Variants in CDH18 observed in about 807,000 individuals in gnomAD.
CDH18 encodes cadherin-18.
A neutral mutation model predicts 67.9 loss-of-function variants in CDH18; 31 were observed. The observed-to-expected ratio is 0.46, with a 90% CI of 0.34 to 0.62. CDH18 has a LOEUF of 0.62. Ranked by LOEUF, CDH18 falls within the 20% of genes least tolerant of loss-of-function variation. The probability of loss-of-function intolerance (pLI) is 0.01; values close to 1 mark genes in which losing one functional copy is unlikely to be tolerated. For synonymous variants in CDH18, 362 were observed against 347.2 expected (o/e 1.04, Z -0.48); for missense variants, 890 against 975.5 (o/e 0.91, Z 1.17).
chr5:19,608,503 C>A (rs1037641425), intron 6 of CDH18, among the ~76,000 whole-genome samples: 1 of 151,040 alleles, frequency 6.6e-6, no homozygotes, highest in Non-Finnish European at 1.5e-5. Flanking sequence ...AAAACAACAG[C>A]TCCCCCCCCA....
At chr5:19,762,704 T>A (rs1772529675) in intron 3 of CDH18, among the ~76,000 whole-genome samples, 1 of 152,124 alleles carries the variant, frequency 6.6e-6, no homozygotes, top group Non-Finnish European at 1.5e-5. Flanking sequence ...TCCTCAAGGA[T>A]GTAGAACTAG....
chr5:20,282,094 C>T (rs1411971977), intron 1 of CDH18, among the ~76,000 whole-genome samples: 1 of 152,114 alleles, frequency 6.6e-6, no homozygotes, highest in Non-Finnish European at 1.5e-5. Flanking sequence ...AGTTGCTTAT[C>T]AGCTTAAGGA....
chr5:20,327,239 G>A (rs1230764137), intron 1 of CDH18, among the ~76,000 whole-genome samples: 1 of 152,128 alleles, frequency 6.6e-6, no homozygotes, highest in Non-Finnish European at 1.5e-5. Context: ...CTTTCTTTTA[G>A]TTCCTAAACA....
At chr5:19,754,008 G>T (rs111248620) in intron 3 of CDH18, among the ~76,000 whole-genome samples, 1 of 151,956 alleles carries the variant, frequency 6.6e-6, no homozygotes, top group Admixed American at 6.6e-5. Context: ...TCCTTGAAAC[G>T]CATCAAAACG....
chr5:19,900,502 A>G (rs1287868842), intron 2 of CDH18, among the ~76,000 whole-genome samples: 1 of 152,196 alleles, frequency 6.6e-6, no homozygotes, highest in African/African-American at 2.4e-5. Context: ...TACATGTATC[A>G]AACGATAATT....
At chr5:19,686,998 G>A (rs530904376) in intron 5 of CDH18, among the ~76,000 whole-genome samples, 1 of 152,262 alleles carries the variant, frequency 6.6e-6, no homozygotes, top group East Asian at 1.9e-4. Context: ...ACTTTAAGTA[G>A]AGTATCTAAG....
intron 5 of CDH18, among the ~76,000 whole-genome samples, chr5:19,620,300 C>G (rs1034457092): frequency 1.3e-5 from 2 of 152,092 alleles, no homozygotes; most frequent in African/African-American, 4.8e-5. Flanking sequence ...GTATATACGT[C>G]GTGTATTTAT....
intron 2 of CDH18, among the ~76,000 whole-genome samples, chr5:20,023,350 A>G (rs1188956268): frequency 6.6e-6 from 1 of 152,020 alleles, no homozygotes. Flanking sequence ...AATTGTTTAT[A>G]TTGTTCATTG....
intron 2 of CDH18, among the ~76,000 whole-genome samples, chr5:19,921,345 C>T (rs1175578875): frequency 6.6e-6 from 1 of 152,074 alleles, no homozygotes; most frequent in African/African-American, 2.4e-5. Context: ...TCCTGGCTAA[C>T]ACAGTGAAAC....
At chr5:19,840,164 A>G (rs1053553318) in intron 2 of CDH18, among the ~76,000 whole-genome samples, 2 of 150,918 alleles carry the variant, frequency 1.3e-5, no homozygotes, top group African/African-American at 4.9e-5. Flanking sequence ...GCTACTCAGG[A>G]GGCTAAGGCA....
At chr5:20,022,085 T>A (rs1738475896) in intron 2 of CDH18, among the ~76,000 whole-genome samples, 1 of 152,228 alleles carries the variant, frequency 6.6e-6, no homozygotes, top group Non-Finnish European at 1.5e-5. Context: ...ATTGTTATTT[T>A]CTTATTATCC....
chr5:20,474,487 C>G (rs57794073), intron 1 of CDH18, among the ~76,000 whole-genome samples: 14,777 of 152,142 alleles, frequency 0.097, 2,284 homozygotes, highest in African/African-American at 0.33. Flanking sequence ...ATGCTGGCCA[C>G]TTAGTTCTCA....
chr5:19,966,476 T>C (rs897596056), intron 2 of CDH18, among the ~76,000 whole-genome samples: 9 of 152,158 alleles, frequency 5.9e-5, no homozygotes, highest in South Asian at 4.1e-4. Context: ...CTGGATGTTA[T>C]AGATTGGTTA....
At chr5:19,679,542 T>C (rs1019056199) in intron 5 of CDH18, among the ~76,000 whole-genome samples, 1 of 151,974 alleles carries the variant, frequency 6.6e-6, no homozygotes, top group South Asian at 2.1e-4. Context: ...TATGATTCTA[T>C]ACCTAAAAAT....
At chr5:19,998,960 GGAA>G (rs1432293938) in intron 2 of CDH18, among the ~76,000 whole-genome samples, 1 of 151,964 alleles carries the variant, frequency 6.6e-6, no homozygotes, top group Non-Finnish European at 1.5e-5. Flanking sequence ...TTTCAATAAA[GGAA>G]GAAGAGAATC....
intron 2 of CDH18, among the ~76,000 whole-genome samples, chr5:19,896,042 T>C (rs1789293309): frequency 6.6e-6 from 1 of 151,678 alleles, no homozygotes; most frequent in Non-Finnish European, 1.5e-5. Context: ...CTTGCAGATA[T>C]GGTTAAATTA....
chr5:19,529,433 T>C (rs950471243), intron 9 of CDH18, among the ~76,000 whole-genome samples: 2 of 152,018 alleles, frequency 1.3e-5, no homozygotes, highest in African/African-American at 4.8e-5. Context: ...TAAGGATATA[T>C]GCTCTCAGAA....
At chr5:20,357,103 C>G (rs1741699229) in intron 1 of CDH18, among the ~76,000 whole-genome samples, 1 of 151,512 alleles carries the variant, frequency 6.6e-6, no homozygotes, top group Non-Finnish European at 1.5e-5. Flanking sequence ...AAATATTTAC[C>G]TGACACTTTA....
At chr5:20,042,675 T>C (rs1043186675) in intron 2 of CDH18, among the ~76,000 whole-genome samples, 1 of 152,130 alleles carries the variant, frequency 6.6e-6, no homozygotes, top group African/African-American at 2.4e-5. Flanking sequence ...TTTTAAAACA[T>C]TTTATGGGCC....
Sources: gnomAD v4.1 joint callset for allele counts (sites outside exome capture counted in the v4.1 genomes callset) on GRCh38, gnomAD v4.1.1 for gene constraint, MANE v1.5 for transcripts, NCBI Gene and HGNC (gene_info 2026-07-23, HGNC 2026-07-21) for gene names.